MAPK3: variants seen among roughly 807,000 people sequenced by gnomAD.
MAPK3 encodes MAPK 1.
In MAPK3, 30 loss-of-function variants were observed where a neutral mutation model predicts 41.8. The observed-to-expected ratio is 0.72, with a 90% confidence interval of 0.54 to 0.97. MAPK3 has a LOEUF of 0.97. Among genes scored for constraint, MAPK3 ranks in the 50% least tolerant of loss-of-function variants. The pLI, the probability that MAPK3 is intolerant of heterozygous loss-of-function variation, is 0.00. For missense variants in MAPK3, 413 were observed against 509.9 expected (o/e 0.81, Z 1.83); for synonymous variants, 222 against 213.4 (o/e 1.04, Z -0.35).
At chr16:30,117,390 A>G in intron 5 of MAPK3, 105 bp from the exon 6 acceptor site, 1 of 1,163,238 alleles carries the variant, frequency 8.6e-7, no homozygotes, top group Non-Finnish European at 1.2e-6. Context: ...ACCCATGCCA[A>G]TCCCTCAGTC....
intron 4 of MAPK3, 69 bp from the exon 5 acceptor site, chr16:30,117,853 C>T: frequency 1.6e-6 from 2 of 1,287,854 alleles, no homozygotes; most frequent in Non-Finnish European, 2.3e-6. Context: ...TGCGCCAGGC[C>T]ACCACCTCCA....
In MAPK3 at chr16:30,121,046, A is replaced by G. The variant is rs116763040; in HGVS notation, c.353+778T>C. On this transcript the variant is annotated intron_variant, in intron 2 of 8. Transcript: ENST00000263025. ...AGGGTAGTTGGGAGGTGTAATAGAA[A>G]AAAAAAAGCATTGGGCATGTATAGT... is the stretch of plus-strand genomic sequence containing the variant. Among the ~76,000 whole-genome samples the G allele has an allele frequency of 4.1e-3, 619 of 152,008 alleles. 2 individuals are homozygous for G. Among genetic ancestry groups the G allele is most frequent in the African/African-American group, 0.014 (590 of 41,478 alleles).
At chr16:30,115,558 G>C (rs2072947336) in intron 8 of MAPK3, 1 of 152,392 alleles carries the variant, frequency 6.6e-6, no homozygotes, top group Admixed American at 6.6e-5. Context: ...ACCTGCTTCT[G>C]CCACACCCAG....
rs1184377548 is a variant in MAPK3 at position 30,121,835 on chromosome 16, G to A, written c.342C>T (p.Ala114=). 2 of 1,613,988 alleles carry A rather than the reference G, an allele frequency of 1.2e-6. No homozygotes were observed. The highest frequency in any genetic ancestry group is 1.7e-6 in the Non-Finnish European group (2 of 1,179,980). The change falls in exon 2 of 9, where the codon GCC becomes GCT. Residue 114 remains alanine, a synonymous_variant. Transcript: ENST00000263025. ...AAGGTGAAGGATACACATCTCTCAT[G>A]GCTTCCAGGGTGGACGCCCGCAGAA... ...RDILRASTLE[A]MRDVYIVQDL... is the part of the protein sequence containing the mutation.
In MAPK3 at chr16:30,123,115, T is replaced by A; in HGVS notation, c.95A>T (p.Lys32Met). The change falls in exon 1 of 9, where the codon AAG becomes ATG. Residue 32 changes from lysine to methionine, a missense_variant. Around this residue, in one of 4 missense-constraint regions of MAPK3, gnomAD observed 145 missense variants for 133.0 expected, o/e 1.09. Coordinates refer to ENST00000263025, the MANE Select transcript of MAPK3 (RefSeq NM_002746.3). The stretch of plus-strand genomic sequence containing the variant: ...CGGGCCCACGTCGAACGGCTGCCCC[T>A]TCACCATCTCCACCTCCCCCGGGAC... Reference protein sequence around the residue: ...PGVPGEVEMVKGQPFDVGPRY... With the variant: ...PGVPGEVEMVMGQPFDVGPRY... The A allele has an allele frequency of 1.9e-6, 3 of 1,549,062 alleles. No homozygotes were observed. The highest frequency in any genetic ancestry group is 2.6e-6 in the Non-Finnish European group (3 of 1,150,312).
intron 2 of MAPK3, among the ~76,000 whole-genome samples, chr16:30,119,116 CG>C (rs1350899370): frequency 6.7e-6 from 1 of 149,824 alleles, no homozygotes; most frequent in Non-Finnish European, 1.5e-5. Context: ...CACTGCAGCC[CG>C]GATGACAGAG....
At chr16:30,122,299 C>A in intron 1 of MAPK3, 1 of 473,528 alleles carries the variant, frequency 2.1e-6, no homozygotes, top group Non-Finnish European at 3.9e-6. Flanking sequence ...CCTTCGCCCC[C>A]ATTCCCAGGA....
rs749294480 is a variant in MAPK3 at position 30,117,247 on chromosome 16, T to C, written c.814A>G (p.Ile272Val). Residue 272 changes from isoleucine (I) to valine (V), a missense_variant, in exon 6 of 9, where the codon ATC becomes GTC. Around this residue, in one of 4 missense-constraint regions of MAPK3, gnomAD observed 123 missense variants for 147.8 expected, o/e 0.83. Transcript: ENST00000263025. ...GSPSQEDLNC[I>V]INMKARNYLQ... ...TAGTTTCGGGCCTTCATGTTGATGA[T>C]ACAATTCAGGTCCTCCTGGGATGGG... 39 of 1,613,906 alleles carry C rather than the reference T, an allele frequency of 2.4e-5. No individual in the cohort carries two copies. The highest frequency in any genetic ancestry group is 3.2e-5 in the Non-Finnish European group (38 of 1,179,968).
chr16:30,118,594 A>C, intron 2 of MAPK3, 56 bp from the exon 3 acceptor site: 1 of 1,475,944 alleles, frequency 6.8e-7, no homozygotes, highest in Non-Finnish European at 9.3e-7. Context: ...GCACTTGGTT[A>C]AGGAAAACAG....
chr16:30,121,115 T>C (rs2073011191), intron 2 of MAPK3, among the ~76,000 whole-genome samples: 1 of 151,890 alleles, frequency 6.6e-6, no homozygotes, highest in African/African-American at 2.4e-5. Flanking sequence ...TTTTTTGTTT[T>C]TGTTTAGTTT....
At chr16:30,118,268 C>T in intron 3 of MAPK3, 81 bp downstream of exon 3, 2 of 1,573,274 alleles carry the variant, frequency 1.3e-6, no homozygotes, top group Non-Finnish European at 8.7e-7. Context: ...TTGCAATGTT[C>T]TCCTGCCCAA....
chr16:30,119,000 G>C (rs901483244), intron 2 of MAPK3, among the ~76,000 whole-genome samples: 5 of 151,998 alleles, frequency 3.3e-5, no homozygotes, highest in African/African-American at 1.2e-4. Context: ...AAATTAACTG[G>C]GCACGGCGGC....
In MAPK3 at chr16:30,120,776, T is replaced by C. The variant is rs192881496; in HGVS notation, c.353+1048A>G. Among the ~76,000 whole-genome samples, 70 of 147,618 alleles carry C rather than the reference T, an allele frequency of 4.7e-4. 1 individual carries two copies. The highest frequency in any genetic ancestry group is 1.7e-3 in the African/African-American group (69 of 40,146). ...ATAGCTCACTGCAGCCTCGAACTCC[T>C]AAGCTCAAGCCATCCTCCTGCCTCA... On this transcript the variant is annotated intron_variant, in intron 2 of 8. Coordinates refer to ENST00000263025, the MANE Select transcript of MAPK3 (RefSeq NM_002746.3).
chr16:30,116,821 C>T (rs962615397), intron 7 of MAPK3, 31 bp from the exon 8 acceptor site: 1 of 1,613,678 alleles, frequency 6.2e-7, no homozygotes, highest in Non-Finnish European at 8.5e-7. Flanking sequence ...AGGCTCAGGC[C>T]TGGCATGGGG....
Position 30,117,223 on chromosome 16 carries a change from A to T in MAPK3, c.838T>A (p.Tyr280Asn). The T allele has an allele frequency of 1.2e-6, 2 of 1,614,074 alleles. No homozygotes were observed. The highest frequency in any genetic ancestry group is 1.7e-6 in the Non-Finnish European group (2 of 1,179,984). The change falls in exon 6 of 9, where the codon TAC becomes AAC. Residue 280 changes from tyrosine (Y) to asparagine (N), a missense_variant. This residue lies in a region of MAPK3 where 123 missense variants were observed against 147.8 expected (regional missense o/e 0.83). Transcript: ENST00000263025. ...GTCTTGGAGGGCAGAGACTGTAGGT[A>T]GTTTCGGGCCTTCATGTTGATGATA... ...NCIINMKARN[Y>N]LQSLPSKTKV...
At position 30,117,769 on chromosome 16, in the gene MAPK3, T is replaced by C. The variant is rs773660441; in HGVS notation, c.676A>G (p.Ile226Val). The C allele has an allele frequency of 2.1e-5, 34 of 1,613,840 alleles. No individual in the cohort carries two copies. Among genetic ancestry groups the C allele is most frequent in the Non-Finnish European group, 2.3e-5 (27 of 1,179,768 alleles). Reference sequence around the variant, plus strand: ...ATGCAGCCCACAGACCAGATGTCGATGGACTTGGTATAGCCCTGGGGGAGA... The same window carrying C: ...ATGCAGCCCACAGACCAGATGTCGACGGACTTGGTATAGCCCTGGGGGAGA... The part of the protein sequence containing the change: ...MLNSKGYTKS[I>V]DIWSVGCILA... Residue 226 changes from isoleucine to valine, a missense_variant, in exon 5 of 9, where the codon ATC becomes GTC. By Grantham distance (29) the Ile-to-Val change is conservative. Around this residue, in one of 4 missense-constraint regions of MAPK3, gnomAD observed 140 missense variants for 206.0 expected, o/e 0.68. Transcript: ENST00000263025.
intron 2 of MAPK3, among the ~76,000 whole-genome samples, chr16:30,121,103 A>C (rs968498920): frequency 1.7e-4 from 26 of 151,390 alleles, no homozygotes; most frequent in Admixed American, 1.4e-3. Context: ...CAAGAAAGGC[A>C]GTTTTTTGTT....
At chr16:30,116,554 G>A (rs1039561783) in intron 8 of MAPK3, 82 bp downstream of exon 8, 33 of 1,427,800 alleles carry the variant, frequency 2.3e-5, no homozygotes, top group Non-Finnish European at 2.9e-5. Context: ...ATGGAGGCAT[G>A]TACAGATAGA....
At chr16:30,115,611 C>G (rs1430541067) in intron 8 of MAPK3, 1 of 152,338 alleles carries the variant, frequency 6.6e-6, no homozygotes, top group Non-Finnish European at 1.5e-5. Context: ...GACAGAGGCC[C>G]TCAGTGACCT....
Sources: gnomAD v4.1 joint callset for allele counts (sites outside exome capture counted in the v4.1 genomes callset) on GRCh38, gnomAD v4.1.1 for gene constraint, gnomAD v4.1.1 regional missense constraint, MANE v1.5 for transcripts, NCBI Gene and HGNC (gene_info 2026-07-23, HGNC 2026-07-21) for gene names.